The following FMNL2 variants were observed in gnomAD, a reference collection of about 807,000 sequenced individuals.
FMNL2 encodes the protein formin like 2.
FMNL2 carries 51 observed loss-of-function variants against 130.2 expected under a neutral mutation model. The observed-to-expected ratio is 0.39, with a 90% CI of 0.31 to 0.49. The LOEUF is 0.49. Among genes scored for constraint, FMNL2 ranks in the 20% least tolerant of loss-of-function variants. The pLI is 0.85. For missense variants in FMNL2, 977 were observed against 1,316.2 expected, an observed-to-expected ratio of 0.74 and a Z score of 3.99; for synonymous variants, 465 against 467.1, an observed-to-expected ratio of 1.00 and a Z score of 0.06.
At chr2:152,514,957 C>A (rs12612608) in intron 1 of FMNL2, among the ~76,000 whole-genome samples, 55,037 of 151,910 alleles carry the variant, frequency 0.36, 10,251 homozygotes, top group Admixed American at 0.47. Flanking sequence ...CCTCATCACC[C>A]TCATGATGCT....
intron 1 of FMNL2, among the ~76,000 whole-genome samples, chr2:152,359,914 T>C (rs1683063134): frequency 6.6e-6 from 1 of 152,178 alleles, no homozygotes; most frequent in Non-Finnish European, 1.5e-5. Flanking sequence ...GGATTTTGGC[T>C]GGCCACTCTG....
intron 1 of FMNL2, among the ~76,000 whole-genome samples, chr2:152,341,408 G>A (rs1473392664): frequency 6.6e-6 from 1 of 152,208 alleles, no homozygotes; most frequent in Non-Finnish European, 1.5e-5. Context: ...GGAAGAGACT[G>A]GCAACAGTGT....
intron 1 of FMNL2, among the ~76,000 whole-genome samples, chr2:152,455,183 A>C (rs554622549): frequency 2.0e-5 from 3 of 152,278 alleles, no homozygotes; most frequent in Admixed American, 6.5e-5. Context: ...GGGGAACACC[A>C]GCACCAGAAG....
At chr2:152,467,433 C>T (rs1278385802) in intron 1 of FMNL2, among the ~76,000 whole-genome samples, 1 of 152,132 alleles carries the variant, frequency 6.6e-6, no homozygotes, top group African/African-American at 2.4e-5. Flanking sequence ...TTAACGGGTA[C>T]TTCACCCCAC....
chr2:152,571,095 G>T (rs1040379821), intron 6 of FMNL2, among the ~76,000 whole-genome samples: 6 of 152,146 alleles, frequency 3.9e-5, no homozygotes, highest in African/African-American at 1.2e-4. Context: ...TGCAATCACA[G>T]TGAAAACCAG....
chr2:152,547,305 G>T (rs1694698511), intron 3 of FMNL2, among the ~76,000 whole-genome samples: 1 of 152,146 alleles, frequency 6.6e-6, no homozygotes, highest in African/African-American at 2.4e-5. Flanking sequence ...GTGGTCTAGG[G>T]AGCTCTGGGG....
intron 1 of FMNL2, among the ~76,000 whole-genome samples, chr2:152,365,771 T>A (rs1316663528): frequency 1.3e-5 from 2 of 151,972 alleles, no homozygotes; most frequent in African/African-American, 4.8e-5. Context: ...AAACTCTGTC[T>A]CAAAACAACA....
chr2:152,468,330 A>G (rs1689666937), intron 1 of FMNL2, among the ~76,000 whole-genome samples: 1 of 152,222 alleles, frequency 6.6e-6, no homozygotes, highest in Non-Finnish European at 1.5e-5. Flanking sequence ...AGCACTTGAA[A>G]TGTGGCTAGT....
At chr2:152,630,421 ACTG>A (rs1403887286) in intron 20 of FMNL2, among the ~76,000 whole-genome samples, 1 of 152,202 alleles carries the variant, frequency 6.6e-6, no homozygotes, top group African/African-American at 2.4e-5. Context: ...ATTTTTTCAA[ACTG>A]CTTTTTGTAA....
chr2:152,419,979 G>T (rs1346494945), intron 1 of FMNL2, among the ~76,000 whole-genome samples: 2 of 152,216 alleles, frequency 1.3e-5, no homozygotes, highest in South Asian at 4.1e-4. Flanking sequence ...TCAAGGCTGA[G>T]AGGTTTTTAA....
At chr2:152,473,573 A>C (rs1689969327) in intron 1 of FMNL2, among the ~76,000 whole-genome samples, 1 of 152,204 alleles carries the variant, frequency 6.6e-6, no homozygotes. Context: ...GATTGAGATA[A>C]TTGAGAAAAT....
At chr2:152,522,866 G>A (rs1216546637) in intron 2 of FMNL2, among the ~76,000 whole-genome samples, 1 of 152,112 alleles carries the variant, frequency 6.6e-6, no homozygotes, top group Non-Finnish European at 1.5e-5. Context: ...GGTTTGAATA[G>A]CTGTTATATG....
In FMNL2 at chr2:152,636,548, G is replaced by C; in HGVS notation, c.2802G>C (p.Glu934Asp). Reference protein sequence around the residue: ...TLLKEFILNNEGKLKKLQDDA... With the variant: ...TLLKEFILNNDGKLKKLQDDA... ...TGAAGGAGTTCATCCTCAACAATGA[G>C]GGGAAGCTGAAGAAGCTGCAGGATG... is the stretch of plus-strand genomic sequence containing the variant. The change falls in exon 22 of 26, where the codon GAG (glutamate) becomes GAC (aspartate). Residue 934 changes from glutamate to aspartate, a missense_variant. Glu to Asp is a conservative substitution (Grantham distance 45). Coordinates refer to ENST00000288670, the MANE Select transcript of FMNL2 (RefSeq NM_052905.4). 1 of 1,581,694 alleles carries C rather than the reference G, an allele frequency of 6.3e-7. No individual in the cohort carries two copies. Among genetic ancestry groups the C allele is most frequent in the Admixed American group, 1.8e-5 (1 of 54,498 alleles).
At chr2:152,442,189 T>C (rs1235227679) in intron 1 of FMNL2, among the ~76,000 whole-genome samples, 1 of 152,132 alleles carries the variant, frequency 6.6e-6, no homozygotes, top group Non-Finnish European at 1.5e-5. Context: ...TTCTGAATGT[T>C]ATCAGTTCCC....
At chr2:152,420,734 T>C (rs1362428276) in intron 1 of FMNL2, among the ~76,000 whole-genome samples, 1 of 152,182 alleles carries the variant, frequency 6.6e-6, no homozygotes, top group African/African-American at 2.4e-5. Context: ...AAAAGTGATT[T>C]GAATGGACCT....
At chr2:152,529,524 G>T (rs1023090037) in intron 2 of FMNL2, among the ~76,000 whole-genome samples, 10 of 152,118 alleles carry the variant, frequency 6.6e-5, no homozygotes, top group Non-Finnish European at 1.5e-4. Flanking sequence ...CTTCCTAAAA[G>T]CAGTTTCCTT....
chr2:152,611,095 C>T (rs1187380749), intron 10 of FMNL2, among the ~76,000 whole-genome samples: 1 of 152,202 alleles, frequency 6.6e-6, no homozygotes, highest in Non-Finnish European at 1.5e-5. Context: ...AATCCCAGCA[C>T]TTTGGGAGGC....
chr2:152,374,248 T>C (rs905304620), intron 1 of FMNL2, among the ~76,000 whole-genome samples: 2 of 152,194 alleles, frequency 1.3e-5, no homozygotes, highest in African/African-American at 4.8e-5. Flanking sequence ...AGTGGAAGAA[T>C]AACCACTCTG....
intron 9 of FMNL2, among the ~76,000 whole-genome samples, chr2:152,585,891 G>A (rs1169796456): frequency 1.4e-5 from 2 of 144,480 alleles, no homozygotes; most frequent in Non-Finnish European, 3.0e-5. Context: ...AAAATGGCTT[G>A]CTTTTAAAAA....
Sources: allele counts gnomAD v4.1 joint callset (sites outside exome capture counted in the v4.1 genomes callset), GRCh38; gene constraint gnomAD v4.1.1; transcripts MANE v1.5; gene names NCBI Gene and HGNC (gene_info 2026-07-23, HGNC 2026-07-21).